Variants in AGBL1 observed in about 807,000 individuals in gnomAD.
AGBL1 encodes AGBL carboxypeptidase 1.
AGBL1 carries 130 observed loss-of-function variants against 118.9 expected under a neutral mutation model. The observed-to-expected ratio is 1.09, with a 90% CI of 0.95 to 1.26. AGBL1 has a LOEUF of 1.26. Ranked by LOEUF, AGBL1 falls within the 50% of genes most tolerant of loss-of-function variation. The pLI is 0.00. For missense variants in AGBL1, 1,584 were observed against 1,298.1 expected, an observed-to-expected ratio of 1.22 and a Z score of -3.38; for synonymous variants, 555 against 478.9, an observed-to-expected ratio of 1.16 and a Z score of -2.08.
At chr15:86,735,469 G>A (rs1428802777) in intron 22 of AGBL1, among the ~76,000 whole-genome samples, 1 of 151,854 alleles carries the variant, frequency 6.6e-6, no homozygotes, top group East Asian at 1.9e-4. Flanking sequence ...AAAGGAAAAT[G>A]CACACATATA....
At chr15:86,641,685 G>A (rs1464060826) in intron 21 of AGBL1, among the ~76,000 whole-genome samples, 1 of 152,082 alleles carries the variant, frequency 6.6e-6, no homozygotes, top group African/African-American at 2.4e-5. Context: ...GGGAGGCTGA[G>A]GCAGGAGGAG....
intron 21 of AGBL1, among the ~76,000 whole-genome samples, chr15:86,572,808 A>G (rs1335744621): frequency 6.6e-6 from 1 of 152,192 alleles, no homozygotes; most frequent in Non-Finnish European, 1.5e-5. Context: ...CGCCCCTGCC[A>G]TCAGTGTGGC....
At chr15:86,670,059 C>T (rs1430045973) in intron 21 of AGBL1, among the ~76,000 whole-genome samples, 1 of 152,030 alleles carries the variant, frequency 6.6e-6, no homozygotes, top group Non-Finnish European at 1.5e-5. Flanking sequence ...CATTCCTCGC[C>T]TATTAGACAC....
chr15:86,164,347 T>C (rs2077307821), intron 5 of AGBL1, among the ~76,000 whole-genome samples: 1 of 152,156 alleles, frequency 6.6e-6, no homozygotes, highest in African/African-American at 2.4e-5. Flanking sequence ...ACAAGCTTGT[T>C]TATCTGCACT....
At position 86,967,423 on chromosome 15, in the gene AGBL1, T is replaced by A. The variant is rs555707140; in HGVS notation, c.3222-20564T>A. Among the ~76,000 whole-genome samples the A allele has an allele frequency of 4.0e-3, 605 of 152,178 alleles. 2 individuals are homozygous for A. Among genetic ancestry groups the A allele is most frequent in the Non-Finnish European group, 7.0e-3 (473 of 67,980 alleles). ...GCCCATGCCTATGTCCTGAATGGTA[T>A]TGCCTAGGTTTTCTTCTAGGGTTTT... is the stretch of plus-strand genomic sequence containing the variant. On this transcript the variant is annotated intron_variant, in intron 23 of 24. Coordinates refer to the AGBL1 transcript ENST00000441037.
chr15:86,297,252 G>T (rs2079660209), intron 17 of AGBL1, among the ~76,000 whole-genome samples: 1 of 152,056 alleles, frequency 6.6e-6, no homozygotes, highest in South Asian at 2.1e-4. Flanking sequence ...TTCATCTCAA[G>T]AAGTATCAGA....
intron 18 of AGBL1, among the ~76,000 whole-genome samples, chr15:86,412,874 T>C (rs1161384443): frequency 6.6e-6 from 1 of 152,206 alleles, no homozygotes; most frequent in Non-Finnish European, 1.5e-5. Flanking sequence ...CCAAGTACTT[T>C]ACATATATTA....
At chr15:86,933,444 G>T (rs2080629819) in intron 23 of AGBL1, among the ~76,000 whole-genome samples, 2 of 152,146 alleles carry the variant, frequency 1.3e-5, no homozygotes, top group African/African-American at 4.8e-5. Flanking sequence ...GAGTCATGTA[G>T]CCAGAGGTCG....
At chr15:86,581,305 T>C (rs1435894062) in intron 21 of AGBL1, among the ~76,000 whole-genome samples, 3 of 152,080 alleles carry the variant, frequency 2.0e-5, no homozygotes, top group Middle Eastern at 3.2e-3. Context: ...ATCTTAAACG[T>C]TTTTCTCAAG....
At chr15:86,184,716 T>C (rs149508877) in intron 5 of AGBL1, among the ~76,000 whole-genome samples, 2,303 of 152,276 alleles carry the variant, frequency 0.015, 67 homozygotes, top group African/African-American at 0.053. Flanking sequence ...CTGCCCAAGG[T>C]AATTTATAGA....
At chr15:86,397,038 A>G (rs2081375606) in intron 17 of AGBL1, among the ~76,000 whole-genome samples, 1 of 152,158 alleles carries the variant, frequency 6.6e-6, no homozygotes. Flanking sequence ...ACCACAGAGG[A>G]AGATAGAAAA....
chr15:86,943,178 C>G (rs1033769148), intron 23 of AGBL1, among the ~76,000 whole-genome samples: 18 of 152,188 alleles, frequency 1.2e-4, no homozygotes, highest in African/African-American at 3.9e-4. Flanking sequence ...ACCTAAGTCT[C>G]ATACAAATTA....
intron 21 of AGBL1, among the ~76,000 whole-genome samples, chr15:86,567,520 A>G (rs2083933267): frequency 6.6e-6 from 1 of 152,248 alleles, no homozygotes; most frequent in South Asian, 2.1e-4. Flanking sequence ...GGAAGGAAAC[A>G]GATTTAAATT....
chr15:86,795,372 C>T (rs1320872639), intron 22 of AGBL1, among the ~76,000 whole-genome samples: 1 of 152,038 alleles, frequency 6.6e-6, no homozygotes, highest in African/African-American at 2.4e-5. Context: ...TTTTGTGGAA[C>T]ACTCAGAAAT....
intron 22 of AGBL1, among the ~76,000 whole-genome samples, chr15:86,836,186 C>T (rs1009739998): frequency 2.0e-5 from 3 of 152,148 alleles, no homozygotes; most frequent in African/African-American, 4.8e-5. Flanking sequence ...AGAATATTCA[C>T]TGACTTTAAA....
At chr15:86,675,961 A>G (rs1387831042) in intron 22 of AGBL1, among the ~76,000 whole-genome samples, 1 of 152,224 alleles carries the variant, frequency 6.6e-6, no homozygotes, top group Non-Finnish European at 1.5e-5. Context: ...AAGTTTAAAG[A>G]ATTTGATGTC....
At chr15:86,789,510 A>G (rs2078461999) in intron 22 of AGBL1, among the ~76,000 whole-genome samples, 1 of 152,102 alleles carries the variant, frequency 6.6e-6, no homozygotes. Flanking sequence ...ATACAAATGG[A>G]CTTGATTCCA....
intron 17 of AGBL1, among the ~76,000 whole-genome samples, chr15:86,303,089 G>T (rs111439280): frequency 6.6e-6 from 1 of 152,164 alleles, no homozygotes; most frequent in Non-Finnish European, 1.5e-5. Context: ...AAGCATTTAC[G>T]TCTTAGACTT....
At chr15:86,873,887 A>G (rs560373950) in intron 22 of AGBL1, among the ~76,000 whole-genome samples, 50 of 152,220 alleles carry the variant, frequency 3.3e-4, no homozygotes, top group Non-Finnish European at 6.3e-4. Flanking sequence ...CTCAAGATAC[A>G]ATAGTCTTTA....
Sources: allele counts gnomAD v4.1 joint callset (sites outside exome capture counted in the v4.1 genomes callset), GRCh38; gene constraint gnomAD v4.1.1; transcripts MANE v1.5; gene names NCBI Gene and HGNC (gene_info 2026-07-23, HGNC 2026-07-21).